Variants in TOGARAM2 observed in about 807,000 individuals in gnomAD.
The protein encoded by TOGARAM2 is TOG array regulator of axonemal microtubules 2.
In TOGARAM2, 85 loss-of-function variants were observed where a neutral mutation model predicts 93.3. That is an observed-to-expected ratio of 0.91 (90% confidence interval 0.76 to 1.09). The LOEUF (loss-of-function observed/expected upper bound fraction) is 1.09. Ranked by LOEUF, TOGARAM2 falls within the 50% of genes least tolerant of loss-of-function variation. TOGARAM2 has a pLI of 0.00. For synonymous variants in TOGARAM2, 593 were observed against 552.8 expected (o/e 1.07, Z -1.02); for missense variants, 1,277 against 1,334.5 (o/e 0.96, Z 0.67).
In TOGARAM2 at chr2:28,956,785, G is replaced by C. The variant is rs1671725146; in HGVS notation, c.-147+88G>C. 6.6e-6 allele frequency: 1 copy of C among 152,186 alleles called. No homozygotes were observed. Among genetic ancestry groups the C allele is most frequent in the Admixed American group, 6.5e-5 (1 of 15,274 alleles). 9.4% of individuals were successfully genotyped at this position (152,186 alleles called of 1,614,324 possible). A position where few individuals can be genotyped will look rare whatever the true frequency, so the allele number is the denominator to read the frequency against. On this transcript the variant is annotated intron_variant, in intron 1 of 6. Transcript: ENST00000401723. This position sits in a 1 kb window ranked among gnomAD's most constrained non-coding sequence, Gnocchi z 4.5. Reference sequence around the variant, plus strand: ...CGTCAAATTGCCTCTCAGTATGGCTGTAACAATTTATAGATGAGCTTCCAC... The same window carrying C: ...CGTCAAATTGCCTCTCAGTATGGCTCTAACAATTTATAGATGAGCTTCCAC...
intron 1 of TOGARAM2, among the ~76,000 whole-genome samples, chr2:28,986,424 C>T (rs150073468): frequency 2.9e-4 from 44 of 152,274 alleles, no homozygotes; most frequent in African/African-American, 1.0e-3. Flanking sequence ...TCCTCGGCTG[C>T]GTTGGGCATA....
intron 1 of TOGARAM2, among the ~76,000 whole-genome samples, chr2:28,991,943 C>T (rs1406529932): frequency 1.3e-5 from 2 of 152,166 alleles, no homozygotes; most frequent in African/African-American, 2.4e-5. Flanking sequence ...GAGAAGCCAG[C>T]CAGGCAGAGC....
chr2:28,973,199 G>T (rs948718909), intron 1 of TOGARAM2, among the ~76,000 whole-genome samples: 2 of 152,138 alleles, frequency 1.3e-5, no homozygotes, highest in African/African-American at 4.8e-5. Context: ...TCCCTGCAGG[G>T]CCTGGAGCAG....
chr2:28,965,730 T>G (rs1359444375), intron 1 of TOGARAM2, among the ~76,000 whole-genome samples: 1 of 152,164 alleles, frequency 6.6e-6, no homozygotes, highest in Non-Finnish European at 1.5e-5. Flanking sequence ...ACCTCCCTCT[T>G]CTCTAAGAGC....
At chr2:28,998,088 C>T (rs1572659213) in intron 2 of TOGARAM2, 55 bp from the exon 3 acceptor site, 3 of 1,254,216 alleles carry the variant, frequency 2.4e-6, no homozygotes, top group Admixed American at 2.4e-5. Context: ...GGTTTGCTCC[C>T]AGTCTTGGCC....
chr2:29,005,039 TGTGTGTGCATGTGTATG>T lies in TOGARAM2; in HGVS notation c.830+1358_830+1374del, dbSNP rs1166984284. Reference sequence around the variant, plus strand: ...GTGTGAGTGCATGTATGTGAGTGCATGTGTGTGCATGTGTATGTGTGTGAGTGCATGTGTGTGCATGT... The same window carrying T: ...GTGTGAGTGCATGTATGTGAGTGCATTGTGTGAGTGCATGTGTGTGCATGT... On this transcript the variant is annotated intron_variant, in intron 6 of 19. Transcript: ENST00000379558. Among the ~76,000 whole-genome samples the T allele has an allele frequency of 2.9e-4, 10 of 34,230 alleles. 1 individual carries two copies. Among genetic ancestry groups the T allele is most frequent in the Admixed American group, 1.2e-3 (3 of 2,554 alleles). 22.5% of individuals were successfully genotyped at this position (34,230 alleles called of 152,430 possible). A position where few individuals can be genotyped will look rare whatever the true frequency, so the allele number is the denominator to read the frequency against.
At position 29,052,138 on chromosome 2, in the gene TOGARAM2, A is replaced by T. The variant is rs1558478853; in HGVS notation, c.*45A>T. 7.0e-7 allele frequency: 1 copy of T among 1,436,896 alleles called. No individual in the cohort carries two copies. The allele number at this position is 1,436,896 out of a possible 1,614,324, so 89.0% of individuals were successfully genotyped here. A position where few individuals can be genotyped will look rare whatever the true frequency, so the allele number is the denominator to read the frequency against. On this transcript the variant is annotated 3_prime_UTR_variant, in exon 20 of 20. Transcript: ENST00000379558. The stretch of plus-strand genomic sequence containing the variant: ...AATTATTATTTATCTTATTTTTTTG[A>T]TGGACTATTCTCCTGGTTACTTTCC...
In TOGARAM2 at chr2:29,003,546, C is replaced by G; in HGVS notation, c.694C>G (p.Leu232Val). ...HCNDEKMQKS[L>V]GAIVIPPIPK... ...CAATGATGAGAAGATGCAGAAGTCC[C>G]TGGGCGCCATCGTGATCCCACCCAT... The change falls in exon 6 of 20, where the codon CTG (leucine) becomes GTG (valine). Residue 232 changes from leucine (L) to valine (V), a missense_variant. Coordinates refer to ENST00000379558, the MANE Select transcript of TOGARAM2 (RefSeq NM_199280.4). 1 of 1,593,356 alleles carries G rather than the reference C, an allele frequency of 6.3e-7. No homozygotes were observed.
Position 28,984,384 on chromosome 2 carries a change from G to A in TOGARAM2, c.-111+2846G>A, listed in dbSNP as rs576764701. ...TGGGCCATTGGGAAGGGACAGGGCCGGGGTCTGAAGTCTTCTGAGCTTCTT... is the reference window on the plus strand; with the variant it reads ...TGGGCCATTGGGAAGGGACAGGGCCAGGGTCTGAAGTCTTCTGAGCTTCTT... On this transcript the variant is annotated intron_variant, in intron 1 of 19. Transcript: ENST00000379558. 1.5e-4 allele frequency among the ~76,000 whole-genome samples: 23 copies of A among 152,320 alleles called. 1 individual carries two copies. The highest frequency in any genetic ancestry group is 1.2e-3 in the South Asian group (6 of 4,830).
chr2:29,005,024 A>T (rs1558421370), intron 6 of TOGARAM2, among the ~76,000 whole-genome samples: 1 of 23,188 alleles, frequency 4.3e-5, no homozygotes, highest in African/African-American at 9.4e-5. Flanking sequence ...GTGTGAGTGC[A>T]TGTATGTGAG....
intron 10 of TOGARAM2, among the ~76,000 whole-genome samples, chr2:29,021,252 G>C (rs1039102665): frequency 2.6e-5 from 4 of 152,180 alleles, no homozygotes; most frequent in African/African-American, 9.7e-5. Flanking sequence ...TCTCCACTCA[G>C]ACTTGCCTAG....
chr2:28,962,178 GTT>G (rs768065714), intron 1 of TOGARAM2, among the ~76,000 whole-genome samples: 5 of 142,672 alleles, frequency 3.5e-5, no homozygotes, highest in Admixed American at 7.0e-5. Context: ...TACATACATA[GTT>G]TTTTTTTTTT....
intron 1 of TOGARAM2, among the ~76,000 whole-genome samples, chr2:28,959,069 A>C (rs1010445671): frequency 3.3e-5 from 5 of 152,168 alleles, no homozygotes; most frequent in Non-Finnish European, 1.5e-5. Flanking sequence ...GAGGAGATCG[A>C]GTCTCCAGGT....
At chr2:28,983,778 T>C (rs1171566157) in intron 1 of TOGARAM2, among the ~76,000 whole-genome samples, 1 of 152,190 alleles carries the variant, frequency 6.6e-6, no homozygotes, top group Non-Finnish European at 1.5e-5. Context: ...ACCTGCCAGC[T>C]GTCATGAGTG....
intron 5 of TOGARAM2, 82 bp downstream of exon 5, chr2:29,002,829 A>C: frequency 7.7e-7 from 1 of 1,299,258 alleles, no homozygotes; most frequent in Non-Finnish European, 1.1e-6. Context: ...GCCTCCACCA[A>C]CCCCTGACTC....
intron 1 of TOGARAM2, among the ~76,000 whole-genome samples, chr2:28,993,059 CAAAAAA>C (rs59495138): frequency 1.5e-5 from 2 of 133,966 alleles, no homozygotes; most frequent in Admixed American, 7.4e-5. Flanking sequence ...GATTCTGTCT[CAAAAAA>C]AAAAAAAAAA....
intron 19 of TOGARAM2, 92 bp downstream of exon 19, chr2:29,045,502 A>G (rs780459969): frequency 5.5e-5 from 60 of 1,095,830 alleles, no homozygotes; most frequent in Non-Finnish European, 7.8e-5. Context: ...GTTATCTTAG[A>G]CCTGAAATAA....
chr2:29,010,233 G>A (rs755767969), intron 6 of TOGARAM2, among the ~76,000 whole-genome samples: 9 of 152,038 alleles, frequency 5.9e-5, no homozygotes, highest in South Asian at 4.1e-4. Flanking sequence ...CTCCCCGCCC[G>A]CCTCCAATCC....
At chr2:29,050,762 C>T (rs1409503535) in intron 19 of TOGARAM2, 2 of 152,238 alleles carry the variant, frequency 1.3e-5, no homozygotes, top group African/African-American at 4.8e-5. Flanking sequence ...AAGCCAGCTT[C>T]GATAGTGCTA....
Sources: allele counts gnomAD v4.1 joint callset (sites outside exome capture counted in the v4.1 genomes callset), GRCh38; gene constraint gnomAD v4.1.1; non-coding constraint Gnocchi (gnomAD v3.1); transcripts MANE v1.5; gene names NCBI Gene and HGNC (gene_info 2026-07-23, HGNC 2026-07-21).